Variants in NR3C2 observed in about 807,000 individuals in gnomAD.
NR3C2 encodes the protein mineralocorticoid receptor.
Under a neutral mutation model 86.4 loss-of-function variants are expected in NR3C2, and 15 were observed. The observed-to-expected ratio is 0.17, with a 90% CI of 0.12 to 0.27. NR3C2 has a LOEUF of 0.27. Ranked by LOEUF, NR3C2 falls within the 10% of genes least tolerant of loss-of-function variation. NR3C2 has a pLI of 1.00. For synonymous variants in NR3C2, 458 were observed against 450.5 expected, an observed-to-expected ratio of 1.02 and a Z score of -0.21; for missense variants, 960 against 1,195.6, an observed-to-expected ratio of 0.80 and a Z score of 2.91.
At chr4:148,237,622 A>G (rs1738808695) in intron 3 of NR3C2, among the ~76,000 whole-genome samples, 2 of 151,634 alleles carry the variant, frequency 1.3e-5, no homozygotes, top group Non-Finnish European at 2.9e-5. Context: ...TACATTCTGC[A>G]GCGCTTCAAT....
intron 2 of NR3C2, among the ~76,000 whole-genome samples, chr4:148,347,276 G>A (rs972471098): frequency 4.6e-5 from 7 of 151,516 alleles, no homozygotes; most frequent in Non-Finnish European, 7.4e-5. Flanking sequence ...TTAAATCAGC[G>A]TTTTTCACCT....
chr4:148,117,346 A>C (rs557746189), intron 7 of NR3C2, among the ~76,000 whole-genome samples: 4 of 152,256 alleles, frequency 2.6e-5, no homozygotes, highest in Admixed American at 2.6e-4. Context: ...CCCCTCTGCT[A>C]TGGAGTCTGC....
chr4:148,329,516 C>T (rs1744126442), intron 2 of NR3C2, among the ~76,000 whole-genome samples: 1 of 152,152 alleles, frequency 6.6e-6, no homozygotes, highest in Non-Finnish European at 1.5e-5. Context: ...TCTAAAACTT[C>T]ACTGCCCTTT....
intron 2 of NR3C2, among the ~76,000 whole-genome samples, chr4:148,265,057 C>T (rs932049196): frequency 3.3e-5 from 5 of 152,018 alleles, no homozygotes; most frequent in Non-Finnish European, 5.9e-5. Flanking sequence ...AAACATTGTT[C>T]ACAGAAAGAA....
intron 3 of NR3C2, among the ~76,000 whole-genome samples, chr4:148,196,375 G>A (rs1035197814): frequency 1.6e-4 from 25 of 152,322 alleles, no homozygotes; most frequent in African/African-American, 6.0e-4. Context: ...CGGTTAGGAA[G>A]AGGGCTGGGC....
intron 2 of NR3C2, among the ~76,000 whole-genome samples, chr4:148,419,522 T>C (rs1749173823): frequency 6.6e-6 from 1 of 152,214 alleles, no homozygotes; most frequent in South Asian, 2.1e-4. Flanking sequence ...ATAAAATACT[T>C]CTTACGTACT....
intron 4 of NR3C2, among the ~76,000 whole-genome samples, chr4:148,156,078 G>A (rs1400412035): frequency 6.6e-6 from 1 of 152,028 alleles, no homozygotes; most frequent in East Asian, 1.9e-4. Context: ...GCTGAAACTG[G>A]ATCCCTTCCT....
Position 148,124,009 on chromosome 4 carries a change from C to T in NR3C2, c.2511-3721G>A, listed in dbSNP as rs182379587. Among the ~76,000 whole-genome samples, 226 of 152,304 alleles carry T rather than the reference C, an allele frequency of 1.5e-3. 3 individuals carry two copies. In the East Asian group the frequency reaches 0.032, roughly 22 times the overall value. On this transcript the variant is annotated intron_variant, in intron 6 of 8. Transcript: ENST00000358102. ...ATCCTAGCACTTTGGGAGACCGAGG[C>T]AGGCAGATCACCTGAGGTCAGGTGT...
At chr4:148,299,935 T>C (rs1004802494) in intron 2 of NR3C2, among the ~76,000 whole-genome samples, 1 of 152,200 alleles carries the variant, frequency 6.6e-6, no homozygotes, top group Non-Finnish European at 1.5e-5. Flanking sequence ...ACTGTTTATA[T>C]TCTCTCTAAA....
intron 3 of NR3C2, among the ~76,000 whole-genome samples, chr4:148,240,318 G>GTT (rs1426870026): frequency 2.0e-5 from 3 of 149,570 alleles, no homozygotes; most frequent in Non-Finnish European, 4.4e-5. Context: ...CCCAATGTGC[G>GTT]TTTTACACTT....
At chr4:148,181,926 CTT>C (rs1361179032) in intron 4 of NR3C2, among the ~76,000 whole-genome samples, 4 of 152,176 alleles carry the variant, frequency 2.6e-5, no homozygotes, top group Non-Finnish European at 5.9e-5. Flanking sequence ...TCTATGCACT[CTT>C]TATTCTTCCT....
intron 7 of NR3C2, among the ~76,000 whole-genome samples, chr4:148,116,257 TACA>T (rs889921239): frequency 5.9e-5 from 9 of 152,314 alleles, no homozygotes; most frequent in East Asian, 1.9e-4. Context: ...TTCTAAAAAT[TACA>T]ACAACTTGTC....
chr4:148,081,103 G>A lies in NR3C2; in HGVS notation c.*241C>T. The A allele has an allele frequency of 1.8e-6, 1 of 551,156 alleles. No individual in the cohort carries two copies. The highest frequency in any genetic ancestry group is 3.3e-6 in the Non-Finnish European group (1 of 303,670). The allele number at this position is 551,156 out of a possible 1,614,324, so 34.1% of individuals were successfully genotyped here. A position where few individuals can be genotyped will look rare whatever the true frequency, so the allele number is the denominator to read the frequency against. On this transcript the variant is annotated 3_prime_UTR_variant, in exon 9 of 9. Coordinates refer to ENST00000358102, the MANE Select transcript of NR3C2 (RefSeq NM_000901.5). ...TATGGCTTTTCATCCCGAGGAACAG[G>A]AACATGTTTCTAAGCGCTGGGGGAT...
intron 3 of NR3C2, among the ~76,000 whole-genome samples, chr4:148,254,157 C>T (rs973096868): frequency 6.6e-6 from 1 of 152,140 alleles, no homozygotes; most frequent in Non-Finnish European, 1.5e-5. Flanking sequence ...ATGAAAACAG[C>T]CACCATTTAA....
chr4:148,303,595 G>A (rs888981222), intron 2 of NR3C2, among the ~76,000 whole-genome samples: 3 of 151,950 alleles, frequency 2.0e-5, no homozygotes, highest in Admixed American at 6.6e-5. Flanking sequence ...CTTATGATAA[G>A]GAGTCCATAC....
rs569668842 is a variant in NR3C2 at position 148,382,188 on chromosome 4, C to T, written c.1757+52916G>A. Among the ~76,000 whole-genome samples the T allele has an allele frequency of 7.9e-5, 12 of 152,276 alleles. No individual in the cohort carries two copies. The South Asian group carries it at 2.3e-3, about 29-fold the overall frequency. Reference sequence around the variant, plus strand: ...AAGTTAAGAGTCAAGTCAAAGAGAACAATCTCCAAATTAGAAGGCAGAAAA... The same window carrying T: ...AAGTTAAGAGTCAAGTCAAAGAGAATAATCTCCAAATTAGAAGGCAGAAAA... On this transcript the variant is annotated intron_variant, in intron 2 of 8. Transcript: ENST00000358102.
chr4:148,160,929 A>C (rs1734628030), intron 4 of NR3C2, among the ~76,000 whole-genome samples: 1 of 151,994 alleles, frequency 6.6e-6, no homozygotes, highest in South Asian at 2.1e-4. Context: ...TGACTGCCAG[A>C]GAAGGAGTAC....
intron 2 of NR3C2, among the ~76,000 whole-genome samples, chr4:148,371,843 C>T (rs556212994): frequency 1.4e-4 from 21 of 152,264 alleles, no homozygotes; most frequent in Middle Eastern, 6.8e-3. Flanking sequence ...TAGTGAGTGA[C>T]AGAGGCCAAA....
chr4:148,191,544 G>C (rs770766062), intron 4 of NR3C2, among the ~76,000 whole-genome samples: 20 of 152,222 alleles, frequency 1.3e-4, no homozygotes, highest in Non-Finnish European at 1.6e-4. Flanking sequence ...GCAAGACCGG[G>C]GAAGTTTTTC....
Sources: allele counts gnomAD v4.1 joint callset (sites outside exome capture counted in the v4.1 genomes callset), GRCh38; gene constraint gnomAD v4.1.1; transcripts MANE v1.5; gene names NCBI Gene and HGNC (gene_info 2026-07-23, HGNC 2026-07-21).